PTK2B: variants seen among roughly 807,000 people sequenced by gnomAD.
PTK2B encodes the protein protein-tyrosine kinase 2-beta.
In PTK2B, 71 loss-of-function variants were observed where a neutral mutation model predicts 142.9. That is an observed-to-expected ratio of 0.50 (90% CI 0.41 to 0.61). The LOEUF (loss-of-function observed/expected upper bound fraction) is 0.61, where lower values mean the gene tolerates loss of function less well. Among genes scored for constraint, PTK2B ranks in the 20% least tolerant of loss-of-function variants. PTK2B has a pLI of 0.00. For synonymous variants in PTK2B, 519 were observed against 503.4 expected, an observed-to-expected ratio of 1.03 and a Z score of -0.42; for missense variants, 1,105 against 1,320.4, an observed-to-expected ratio of 0.84 and a Z score of 2.53.
intron 2 of PTK2B, among the ~76,000 whole-genome samples, chr8:27,406,649 C>T (rs1240267953): frequency 5.3e-5 from 8 of 152,150 alleles, no homozygotes; most frequent in East Asian, 1.9e-4. Context: ...ATGGTTCTCA[C>T]GATGATTGGG....
intron 5 of PTK2B, among the ~76,000 whole-genome samples, chr8:27,423,990 C>T (rs1809919699): frequency 2.0e-5 from 3 of 152,154 alleles, no homozygotes; most frequent in African/African-American, 7.2e-5. Flanking sequence ...TCAGTGCTGG[C>T]AGACCAGGGG....
At chr8:27,377,873 C>T (rs1806768204) in intron 1 of PTK2B, among the ~76,000 whole-genome samples, 1 of 152,072 alleles carries the variant, frequency 6.6e-6, no homozygotes, top group African/African-American at 2.4e-5. Context: ...AAATGTAAAC[C>T]TCCTCCCCTA....
chr8:27,339,663 G>A (rs180747345), intron 1 of PTK2B, among the ~76,000 whole-genome samples: 178 of 152,330 alleles, frequency 1.2e-3, no homozygotes, highest in African/African-American at 3.8e-3. Context: ...GACTGGCAGG[G>A]TGGTAACATA....
chr8:27,372,152 G>A (rs1043749279), intron 1 of PTK2B, among the ~76,000 whole-genome samples: 57 of 152,354 alleles, frequency 3.7e-4, no homozygotes, highest in African/African-American at 1.3e-3. Flanking sequence ...CAGTGAGCCA[G>A]AAGAGGAGTT....
rs781097072 is a variant in PTK2B at position 27,451,468 on chromosome 8, TTTCCTCC to T, written c.2524-9_2524-3del. On this transcript the variant is annotated splice_polypyrimidine_tract_variant and intron_variant, in intron 26 of 30. Transcript: ENST00000346049. ...CCGCATGAGTGACGTTCCTGTTCTC[TTTCCTCC>T]TTCCTCCAGACGCCAGAGAAGGAGG... 8 of 1,613,972 alleles carry T rather than the reference TTTCCTCC, an allele frequency of 5.0e-6. No homozygotes were observed. Among genetic ancestry groups the T allele is most frequent in the African/African-American group, 4.0e-5 (3 of 75,042 alleles).
At chr8:27,393,637 CA>C (rs1272703917) in intron 1 of PTK2B, among the ~76,000 whole-genome samples, 1 of 152,116 alleles carries the variant, frequency 6.6e-6, no homozygotes, top group Non-Finnish European at 1.5e-5. Context: ...GGACAACTAT[CA>C]GGGTGTGGTT....
At chr8:27,420,181 C>A in intron 3 of PTK2B, 108 bp downstream of exon 3, 1 of 1,326,100 alleles carries the variant, frequency 7.5e-7, no homozygotes, top group Non-Finnish European at 1.0e-6. Context: ...AAACTTCTAG[C>A]AAACCTGAGT....
At chr8:27,336,895 G>A (rs1054371380) in intron 1 of PTK2B, among the ~76,000 whole-genome samples, 2 of 151,582 alleles carry the variant, frequency 1.3e-5, no homozygotes, top group African/African-American at 4.9e-5. Flanking sequence ...GAGTGCAGTG[G>A]CACAATCTCG....
Position 27,343,718 on chromosome 8 carries a change from C to A in PTK2B, c.-38+18037C>A, listed in dbSNP as rs566973760. On this transcript the variant is annotated intron_variant, in intron 1 of 30. Coordinates refer to ENST00000346049, the MANE Select transcript of PTK2B (RefSeq NM_173176.3). ...CTTTCTCCTTTAAAAAAATTTCTTT[C>A]GCCAGGCGTGCTGGCTCATGCCTGT... Among the ~76,000 whole-genome samples, 4 of 152,248 alleles carry A rather than the reference C, an allele frequency of 2.6e-5. No individual in the cohort carries two copies. In the East Asian group the frequency reaches 7.7e-4, roughly 29 times the overall value.
At position 27,397,534 on chromosome 8, in the gene PTK2B, T is replaced by C; in HGVS notation, c.-37-14T>C. 1.9e-6 allele frequency: 3 copies of C among 1,594,972 alleles called. No individual in the cohort carries two copies. The highest frequency in any genetic ancestry group is 2.6e-6 in the Non-Finnish European group (3 of 1,164,496). ...TGGGGCTCTTTCAGGGCTGACCCTCTGCTGTCTCTGCAGGACTGCAATGTG... is the reference window on the plus strand; with the variant it reads ...TGGGGCTCTTTCAGGGCTGACCCTCCGCTGTCTCTGCAGGACTGCAATGTG... On this transcript the variant is annotated splice_polypyrimidine_tract_variant and intron_variant, in intron 1 of 30. Coordinates refer to ENST00000346049, the MANE Select transcript of PTK2B (RefSeq NM_173176.3).
At chr8:27,367,322 G>T (rs1806075953) in intron 1 of PTK2B, among the ~76,000 whole-genome samples, 1 of 152,188 alleles carries the variant, frequency 6.6e-6, no homozygotes, top group Non-Finnish European at 1.5e-5. Context: ...GCAGCTGGAG[G>T]GTGTTCTGGG....
chr8:27,311,240 C>T (rs1802952341), upstream of PTK2B: 3 of 1,516,906 alleles, frequency 2.0e-6, no homozygotes, highest in East Asian at 2.3e-5. Flanking sequence ...CTCCATGGCA[C>T]GAGCAGCCGG....
chr8:27,379,908 T>C (rs768336006), intron 1 of PTK2B, among the ~76,000 whole-genome samples: 2 of 152,040 alleles, frequency 1.3e-5, no homozygotes, highest in Non-Finnish European at 2.9e-5. Context: ...GCCCAGCTAA[T>C]TTTTTTGTAT....
At chr8:27,335,449 G>A (rs750983536) in intron 1 of PTK2B, among the ~76,000 whole-genome samples, 2 of 152,046 alleles carry the variant, frequency 1.3e-5, no homozygotes, top group Non-Finnish European at 2.9e-5. Context: ...AAAATTAGCC[G>A]GATATTGTGG....
chr8:27,422,349 G>C lies in PTK2B; in HGVS notation c.517G>C (p.Gly173Arg). ...MQRYASKVSE[G>R]MALQLGCLEL... ...GCGCTACGCCAGCAAGGTCAGCGAG[G>C]GCATGGCCCTGCAGCTGGGCTGCCT... The change falls in exon 5 of 31, where the codon GGC becomes CGC. Residue 173 changes from glycine (G) to arginine (R), a missense_variant. Transcript: ENST00000346049. The C allele has an allele frequency of 6.2e-7, 1 of 1,613,750 alleles. No individual in the cohort carries two copies. The highest frequency in any genetic ancestry group is 8.5e-7 in the Non-Finnish European group (1 of 1,179,820).
upstream of PTK2B, chr8:27,310,815 C>T (rs139267709): frequency 3.6e-4 from 569 of 1,599,138 alleles, no homozygotes; most frequent in Non-Finnish European, 4.7e-4. Context: ...AAGTCGTGGG[C>T]AGTGTCCTTC....
intron 1 of PTK2B, among the ~76,000 whole-genome samples, chr8:27,372,254 A>C (rs1197366287): frequency 6.6e-6 from 1 of 152,238 alleles, no homozygotes. Flanking sequence ...AGAGAAACAG[A>C]ACAGACAAGA....
At position 27,344,534 on chromosome 8, in the gene PTK2B, T is replaced by C. The variant is rs143906386; in HGVS notation, c.-38+18853T>C. 1.7e-3 allele frequency among the ~76,000 whole-genome samples: 261 copies of C among 152,358 alleles called. 1 individual carries two copies. Among genetic ancestry groups the C allele is most frequent in the African/African-American group, 5.5e-3 (230 of 41,578 alleles). ...ACTTAGCATTCATTGGTGTGCTGCATGTAATAAGTATTCAATCCATGTAGC... is the reference window on the plus strand; with the variant it reads ...ACTTAGCATTCATTGGTGTGCTGCACGTAATAAGTATTCAATCCATGTAGC... On this transcript the variant is annotated intron_variant, in intron 1 of 30. Coordinates refer to ENST00000346049, the MANE Select transcript of PTK2B (RefSeq NM_173176.3).
chr8:27,410,765 C>T (rs1319848163), intron 2 of PTK2B, among the ~76,000 whole-genome samples: 2 of 152,188 alleles, frequency 1.3e-5, no homozygotes, highest in African/African-American at 4.8e-5. Context: ...AGCACAGAGA[C>T]AAGCCATCCG....
Sources: gnomAD v4.1 joint callset for allele counts (sites outside exome capture counted in the v4.1 genomes callset) on GRCh38, gnomAD v4.1.1 for gene constraint, MANE v1.5 for transcripts, NCBI Gene and HGNC (gene_info 2026-07-23, HGNC 2026-07-21) for gene names.